The following KCTD8 variants were observed in gnomAD, a reference collection of about 807,000 sequenced individuals.
KCTD8 encodes the protein BTB/POZ domain-containing protein KCTD8.
KCTD8 carries 27 observed loss-of-function variants against 31.5 expected under a neutral mutation model. The observed-to-expected ratio is 0.86, with a 90% CI of 0.63 to 1.18. The LOEUF (loss-of-function observed/expected upper bound fraction) is 1.18, where lower values mean the gene tolerates loss of function less well. KCTD8 is among the 50% of genes most tolerant of loss of function. The pLI, the probability that KCTD8 is intolerant of heterozygous loss-of-function variation, is 0.00. For missense variants in KCTD8, 658 were observed against 647.7 expected (o/e 1.02, Z -0.17); for synonymous variants, 290 against 280.0 (o/e 1.04, Z -0.36).
intron 1 of KCTD8, among the ~76,000 whole-genome samples, chr4:44,402,485 C>A (rs1720689429): frequency 6.6e-6 from 1 of 151,698 alleles, no homozygotes; most frequent in Non-Finnish European, 1.5e-5. Context: ...TGAAAACAAC[C>A]CAGAGAAACA....
At chr4:44,403,497 A>G (rs1015311643) in intron 1 of KCTD8, among the ~76,000 whole-genome samples, 38 of 151,234 alleles carry the variant, frequency 2.5e-4, no homozygotes, top group African/African-American at 8.5e-4. Context: ...TTTGGAAGCT[A>G]GAAGTCCAAA....
At chr4:44,205,160 G>A (rs1399940444) in intron 1 of KCTD8, among the ~76,000 whole-genome samples, 1 of 152,054 alleles carries the variant, frequency 6.6e-6, no homozygotes, top group East Asian at 1.9e-4. Flanking sequence ...CATGTAACTT[G>A]ACAAACTGAT....
At chr4:44,272,121 T>TATATATATATATATATATA (rs1716629513) in intron 1 of KCTD8, among the ~76,000 whole-genome samples, 2 of 142,526 alleles carry the variant, frequency 1.4e-5, no homozygotes, top group African/African-American at 5.5e-5. Context: ...TGGTATTATA[T>TATATATATATATATATATA]TATATATATA....
chr4:44,428,724 G>T (rs1315213037), intron 1 of KCTD8, among the ~76,000 whole-genome samples: 1 of 151,720 alleles, frequency 6.6e-6, no homozygotes, highest in Non-Finnish European at 1.5e-5. Context: ...ACAAATAGAG[G>T]AATGTGTCAA....
In KCTD8 at chr4:44,317,228, C is replaced by CTTTTTTTTTTTTTTTTTTTTTTTTTTTTT. The variant is rs760060899; in HGVS notation, c.961+130334_961+130335insAAAAAAAAAAAAAAAAAAAAAAAAAAAAA. Reference sequence around the variant, plus strand: ...TTTATGTATTGCCTATGGGTGCTTTCTTTTTTTTTTTTTTTTTTTTTTGAG... The same window carrying CTTTTTTTTTTTTTTTTTTTTTTTTTTTTT: ...TTTATGTATTGCCTATGGGTGCTTTCTTTTTTTTTTTTTTTTTTTTTTTTTTTTTTTTTTTTTTTTTTTTTTTTTTTGAG... On this transcript the variant is annotated intron_variant, in intron 1 of 1. Coordinates refer to ENST00000360029, the MANE Select transcript of KCTD8 (RefSeq NM_198353.3). Among the ~76,000 whole-genome samples, 15 of 36,534 alleles carry CTTTTTTTTTTTTTTTTTTTTTTTTTTTTT rather than the reference C, an allele frequency of 4.1e-4. 3 individuals are homozygous for CTTTTTTTTTTTTTTTTTTTTTTTTTTTTT. The highest frequency in any genetic ancestry group is 1.0e-3 in the East Asian group (1 of 970). 24.0% of individuals were successfully genotyped at this position (36,534 alleles called of 152,430 possible).
chr4:44,247,091 C>T (rs1279408263), intron 1 of KCTD8, among the ~76,000 whole-genome samples: 1 of 152,008 alleles, frequency 6.6e-6, no homozygotes, highest in Non-Finnish European at 1.5e-5. Flanking sequence ...GGACATTACA[C>T]CTGCCAGCTG....
intron 1 of KCTD8, among the ~76,000 whole-genome samples, chr4:44,393,519 C>T (rs577102733): frequency 2.0e-5 from 3 of 148,460 alleles, no homozygotes; most frequent in South Asian, 2.1e-4. Context: ...AAAGTTCACA[C>T]TGAAAAAAAA....
intron 1 of KCTD8, among the ~76,000 whole-genome samples, chr4:44,435,969 A>G (rs1721633777): frequency 6.6e-6 from 1 of 152,124 alleles, no homozygotes; most frequent in Non-Finnish European, 1.5e-5. Context: ...CTTCCAGCTA[A>G]TAAATATGGA....
intron 1 of KCTD8, among the ~76,000 whole-genome samples, chr4:44,352,010 G>A (rs1212929064): frequency 1.3e-5 from 2 of 151,928 alleles, no homozygotes; most frequent in Admixed American, 1.3e-4. Flanking sequence ...TTGACAGGAA[G>A]AAAATGAGAC....
At chr4:44,225,471 T>C (rs1207492348) in intron 1 of KCTD8, among the ~76,000 whole-genome samples, 1 of 152,250 alleles carries the variant, frequency 6.6e-6, no homozygotes, top group Non-Finnish European at 1.5e-5. Context: ...GAAGTTGTGG[T>C]ACAGACTATG....
chr4:44,238,089 T>G (rs1395544840), intron 1 of KCTD8, among the ~76,000 whole-genome samples: 1 of 152,182 alleles, frequency 6.6e-6, no homozygotes, highest in African/African-American at 2.4e-5. Flanking sequence ...TCTTGTACCA[T>G]AATCCCCCTT....
intron 1 of KCTD8, among the ~76,000 whole-genome samples, chr4:44,265,020 A>G (rs540544134): frequency 7.9e-5 from 12 of 152,316 alleles, no homozygotes; most frequent in Admixed American, 7.2e-4. Flanking sequence ...TCCCTGTCTG[A>G]CAGCTTTGAA....
At chr4:44,324,530 T>C (rs1577616612) in intron 1 of KCTD8, among the ~76,000 whole-genome samples, 1 of 152,082 alleles carries the variant, frequency 6.6e-6, no homozygotes, top group African/African-American at 2.4e-5. Context: ...CAAGTTCTCC[T>C]GGAACTTTCC....
At chr4:44,243,678 G>A (rs997466272) in intron 1 of KCTD8, among the ~76,000 whole-genome samples, 1 of 152,126 alleles carries the variant, frequency 6.6e-6, no homozygotes, top group African/African-American at 2.4e-5. Context: ...TTAACCTAAG[G>A]ACTATCACCT....
chr4:44,352,587 AAAT>A (rs1337969049), intron 1 of KCTD8, among the ~76,000 whole-genome samples: 2 of 114,882 alleles, frequency 1.7e-5, no homozygotes, highest in South Asian at 3.3e-4. Flanking sequence ...TTAAAAATAG[AAAT>A]AATAAAAGAG....
At chr4:44,266,276 T>G (rs1370683417) in intron 1 of KCTD8, among the ~76,000 whole-genome samples, 2 of 151,754 alleles carry the variant, frequency 1.3e-5, no homozygotes, top group African/African-American at 4.8e-5. Flanking sequence ...ACCCAGAATT[T>G]CATATCCAGC....
At chr4:44,401,821 T>C (rs764541690) in intron 1 of KCTD8, among the ~76,000 whole-genome samples, 17 of 152,198 alleles carry the variant, frequency 1.1e-4, no homozygotes, top group Non-Finnish European at 7.3e-5. Flanking sequence ...TAATACTTTC[T>C]CTAAGCCTCA....
intron 1 of KCTD8, among the ~76,000 whole-genome samples, chr4:44,395,818 C>G (rs1318517847): frequency 6.6e-6 from 1 of 152,056 alleles, no homozygotes; most frequent in African/African-American, 2.4e-5. Flanking sequence ...CCTCCCCTAG[C>G]TCACCAGTAT....
intron 1 of KCTD8, among the ~76,000 whole-genome samples, chr4:44,192,788 G>T (rs995107236): frequency 2.0e-5 from 3 of 152,160 alleles, no homozygotes; most frequent in Non-Finnish European, 4.4e-5. Flanking sequence ...ATCCAGGTGG[G>T]CATCATCTAA....
Sources: gnomAD v4.1 joint callset for allele counts (sites outside exome capture counted in the v4.1 genomes callset) on GRCh38, gnomAD v4.1.1 for gene constraint, MANE v1.5 for transcripts, NCBI Gene and HGNC (gene_info 2026-07-23, HGNC 2026-07-21) for gene names.